RER1: variants seen among roughly 807,000 people sequenced by gnomAD.
RER1 encodes the protein protein RER1.
A neutral mutation model predicts 28.3 loss-of-function variants in RER1; 6 were observed. The observed-to-expected ratio is 0.21, with a 90% confidence interval of 0.12 to 0.42. The LOEUF (loss-of-function observed/expected upper bound fraction) is 0.42, where lower values mean the gene tolerates loss of function less well. Ranked by LOEUF, RER1 falls within the 10% of genes least tolerant of loss-of-function variation. The pLI is 1.00. For missense variants in RER1, 159 were observed against 252.9 expected (o/e 0.63, Z 2.52); for synonymous variants, 110 against 95.9 (o/e 1.15, Z -0.86).
At position 2,402,284 on chromosome 1, in the gene RER1, C is replaced by T. The variant is rs986828025; in HGVS notation, c.443C>T (p.Pro148Leu). The T allele has an allele frequency of 3.7e-6, 6 of 1,614,082 alleles. No homozygotes were observed. The highest frequency in any genetic ancestry group is 2.2e-5 in the South Asian group (2 of 91,082). ...FDAFNVPVFW[P>L]ILVMYFIMLF... Reference sequence around the variant, plus strand: ...GCTTTCAACGTCCCGGTGTTCTGGCCGATTCTGGTGATGTACTTCATCATG... The same window carrying T: ...GCTTTCAACGTCCCGGTGTTCTGGCTGATTCTGGTGATGTACTTCATCATG... Residue 148 changes from proline (P) to leucine (L), a missense_variant, in exon 6 of 7, where the codon CCG becomes CTG. Coordinates refer to ENST00000605895, the MANE Select transcript of RER1 (RefSeq NM_007033.5).
At chr1:2,393,815 C>T (rs147570293) in intron 1 of RER1, among the ~76,000 whole-genome samples, 196 of 152,052 alleles carry the variant, frequency 1.3e-3, no homozygotes, top group African/African-American at 4.4e-3. Flanking sequence ...GTTTGGTATA[C>T]GTGTGTGTTT....
At chr1:2,401,608 T>A (rs1642865664) in intron 5 of RER1, among the ~76,000 whole-genome samples, 1 of 151,548 alleles carries the variant, frequency 6.6e-6, no homozygotes, top group Non-Finnish European at 1.5e-5. Flanking sequence ...CATACCCCAC[T>A]CTGGGAGCAC....
At chr1:2,400,259 A>G (rs1642826535) in intron 4 of RER1, among the ~76,000 whole-genome samples, 2 of 152,262 alleles carry the variant, frequency 1.3e-5, no homozygotes, top group African/African-American at 4.8e-5. Flanking sequence ...CTGTGTGGCC[A>G]GAAGCCTGTG....
At position 2,400,856 on chromosome 1, in the gene RER1, G is replaced by A; in HGVS notation, c.287-1G>A. ...TCCCTGATGGTTGCTCTGCCTTACA[G>A]ATGACGGTCCTTCGCTACCCACCAA... is the stretch of plus-strand genomic sequence containing the variant. On this transcript the variant is annotated splice_acceptor_variant, in intron 4 of 6. Transcript: ENST00000605895. LOFTEE classifies it high-confidence loss of function. 1 of 1,613,696 alleles carries A rather than the reference G, an allele frequency of 6.2e-7. No homozygotes were observed. The highest frequency in any genetic ancestry group is 8.5e-7 in the Non-Finnish European group (1 of 1,179,606).
chr1:2,401,053 G>T, intron 5 of RER1, 118 bp downstream of exon 5: 1 of 853,460 alleles, frequency 1.2e-6, no homozygotes, highest in Admixed American at 2.0e-5. Flanking sequence ...GGCTGGGCAC[G>T]GGGAATCGCA....
intron 4 of RER1, among the ~76,000 whole-genome samples, chr1:2,400,581 C>A (rs919847934): frequency 6.6e-6 from 1 of 152,232 alleles, no homozygotes; most frequent in Non-Finnish European, 1.5e-5. Context: ...TTACGTGGTG[C>A]AGCTGACGTG....
At chr1:2,402,780 C>T (rs1037130556) in intron 6 of RER1, among the ~76,000 whole-genome samples, 5 of 152,180 alleles carry the variant, frequency 3.3e-5, no homozygotes, top group African/African-American at 1.2e-4. Context: ...GGGCCCTGGG[C>T]CACCTCACAT....
At position 2,404,592 on chromosome 1, in the gene RER1, C is replaced by G. The variant is rs1191821901; in HGVS notation, c.*1468C>G. On this transcript the variant is annotated 3_prime_UTR_variant, in exon 7 of 7. Transcript: ENST00000605895. ...AGAGGGTCACGGCCCCCCCGCCCTC[C>G]TCCGTCTCTGGCAAGCTGACCTTGA... is the stretch of plus-strand genomic sequence containing the variant. 2 of 152,276 alleles carry G rather than the reference C, an allele frequency of 1.3e-5. No homozygotes were observed. The highest frequency in any genetic ancestry group is 4.8e-5 in the African/African-American group (2 of 41,458). The allele number at this position is 152,276 out of a possible 1,614,324, so 9.4% of individuals were successfully genotyped here. A position where few individuals can be genotyped will look rare whatever the true frequency, so the allele number is the denominator to read the frequency against.
rs1284833303 is a variant in RER1 at position 2,404,271 on chromosome 1, A to G, written c.*1147A>G. 1 of 152,234 alleles carries G rather than the reference A, an allele frequency of 6.6e-6. No individual in the cohort carries two copies. Among genetic ancestry groups the G allele is most frequent in the Non-Finnish European group, 1.5e-5 (1 of 68,042 alleles). The allele number at this position is 152,234 out of a possible 1,614,324, so 9.4% of individuals were successfully genotyped here. On this transcript the variant is annotated 3_prime_UTR_variant, in exon 7 of 7. Transcript: ENST00000605895. ...TACATATCTGACATCGAGCTCCTCT[A>G]AGAGGCCACGTTCAAGCTTGTGTGT...
intron 1 of RER1, chr1:2,393,206 A>G (rs1642715257): frequency 6.6e-6 from 1 of 152,090 alleles, no homozygotes. Flanking sequence ...GTTTGTGACC[A>G]GGCATAAAGC....
intron 5 of RER1, 129 bp from the exon 6 acceptor site, chr1:2,402,078 A>G: frequency 6.2e-7 from 1 of 1,601,014 alleles, no homozygotes; most frequent in South Asian, 1.1e-5. Flanking sequence ...TGCCCAGGGT[A>G]GACCCCTCCT....
Position 2,403,417 on chromosome 1 carries a change from C to T in RER1, c.*293C>T, listed in dbSNP as rs41315648. The T allele has an allele frequency of 0.032, 11,946 of 369,164 alleles. 278 individuals are homozygous for T. Among genetic ancestry groups the T allele is most frequent in the Non-Finnish European group, 0.045 (8,755 of 193,376 alleles). 22.9% of individuals were successfully genotyped at this position (369,164 alleles called of 1,614,324 possible). Reference sequence around the variant, plus strand: ...GCCCATGGGAGCAAGGGCGAGTGGCCGGTCCCCGCTGTGCCAGGTGGGCAG... The same window carrying T: ...GCCCATGGGAGCAAGGGCGAGTGGCTGGTCCCCGCTGTGCCAGGTGGGCAG... On this transcript the variant is annotated 3_prime_UTR_variant, in exon 7 of 7. Coordinates refer to ENST00000605895, the MANE Select transcript of RER1 (RefSeq NM_007033.5).
At chr1:2,397,407 C>T (rs1038978851) in intron 3 of RER1, among the ~76,000 whole-genome samples, 187 bp downstream of exon 3, 3 of 152,206 alleles carry the variant, frequency 2.0e-5, no homozygotes, top group African/African-American at 7.2e-5. Flanking sequence ...TTATGATTCA[C>T]CCGGAGTCGC....
Position 2,405,113 on chromosome 1 carries a change from TC to T in RER1, c.*1990del, listed in dbSNP as rs1642954893. 1 of 160,726 alleles carries T rather than the reference TC, an allele frequency of 6.2e-6. No homozygotes were observed. The highest frequency in any genetic ancestry group is 1.4e-5 in the Non-Finnish European group (1 of 72,408). The allele number at this position is 160,726 out of a possible 1,614,324, so 10.0% of individuals were successfully genotyped here. A position where few individuals can be genotyped will look rare whatever the true frequency, so the allele number is the denominator to read the frequency against. ...CAGGCTGAGATGCAGATTTCTGTTT[TC>T]TAAAACTGGAAGCGACCTTGACGTG... On this transcript the variant is annotated 3_prime_UTR_variant, in exon 7 of 7. Coordinates refer to ENST00000605895, the MANE Select transcript of RER1 (RefSeq NM_007033.5).
chr1:2,400,207 G>A (rs867449879), intron 4 of RER1, among the ~76,000 whole-genome samples: 13 of 152,252 alleles, frequency 8.5e-5, no homozygotes, highest in African/African-American at 3.1e-4. Flanking sequence ...GACCCTCCTC[G>A]TTCTGGGGGA....
intron 1 of RER1, chr1:2,394,841 G>C (rs956708121): frequency 6.6e-6 from 1 of 152,276 alleles, no homozygotes; most frequent in African/African-American, 2.4e-5. Context: ...GTCTTCTCTA[G>C]CTCAGGGGCC....
At chr1:2,402,371 G>T (rs375094047) in intron 6 of RER1, 29 bp downstream of exon 6, 29 of 1,613,464 alleles carry the variant, frequency 1.8e-5, no homozygotes, top group Non-Finnish European at 2.4e-5. Context: ...CGCCACGCCG[G>T]CCGCAATCGC....
intron 4 of RER1, 96 bp from the exon 5 acceptor site, chr1:2,400,761 T>G: frequency 9.9e-7 from 1 of 1,007,514 alleles, no homozygotes; most frequent in South Asian, 1.3e-5. Context: ...GGTTTAGATT[T>G]GTGAGGCCTG....
At chr1:2,400,757 G>C (rs569853225) in intron 4 of RER1, 100 bp from the exon 5 acceptor site, 469 of 986,418 alleles carry the variant, frequency 4.8e-4, no homozygotes, top group Middle Eastern at 2.0e-3. Context: ...TCTCGGTTTA[G>C]ATTTGTGAGG....
Sources: gnomAD v4.1 joint callset for allele counts (sites outside exome capture counted in the v4.1 genomes callset) on GRCh38, gnomAD v4.1.1 for gene constraint, MANE v1.5 for transcripts, NCBI Gene and HGNC (gene_info 2026-07-23, HGNC 2026-07-21) for gene names.